The following PROM1 variants were observed in gnomAD, a reference collection of about 807,000 sequenced individuals.
PROM1 encodes the protein prominin 1.
In PROM1, 105 loss-of-function variants were observed where a neutral mutation model predicts 116.9. The observed-to-expected ratio is 0.90, with a 90% confidence interval of 0.77 to 1.06. The LOEUF is 1.06. Ranked by LOEUF, PROM1 falls within the 50% of genes least tolerant of loss-of-function variation. The pLI, the probability that PROM1 is intolerant of heterozygous loss-of-function variation, is 0.00. For missense variants in PROM1, 1,122 were observed against 1,045.2 expected, an observed-to-expected ratio of 1.07 and a Z score of -1.01; for synonymous variants, 393 against 387.0, an observed-to-expected ratio of 1.02 and a Z score of -0.18.
At position 15,998,387 on chromosome 4, in the gene PROM1, G is replaced by A. The variant is rs771586089; in HGVS notation, c.1680C>T (p.Tyr560=). 6 of 1,594,324 alleles carry A rather than the reference G, an allele frequency of 3.8e-6. No individual in the cohort carries two copies. The highest frequency in any genetic ancestry group is 1.8e-5 in the Admixed American group (1 of 55,466). ...ATGTATAATGCAAATATTGATACCT[G>A]TAAACTTGTTCAAAAGTGAGCTTCA... ...SKMKLTFEQV[Y]SDCKKNRGTY... Residue 560 remains tyrosine (Y), a splice_region_variant and synonymous_variant, in exon 15 of 28, where the codon TAC becomes TAT. Transcript: ENST00000447510.
chr4:15,990,674 T>G (rs1328625788), intron 18 of PROM1, among the ~76,000 whole-genome samples: 1 of 152,136 alleles, frequency 6.6e-6, no homozygotes, highest in African/African-American at 2.4e-5. Flanking sequence ...CAGGTGGGAC[T>G]CCGGACCAGA....
At chr4:16,050,438 T>C in intron 2 of PROM1, among the ~76,000 whole-genome samples, 1 of 152,266 alleles carries the variant, frequency 6.6e-6, no homozygotes, top group Admixed American at 6.5e-5. Flanking sequence ...ACTGCATACA[T>C]GATCTCCTGG....
intron 4 of PROM1, 126 bp from the exon 5 acceptor site, chr4:16,033,635 G>A (rs1397222345): frequency 5.0e-6 from 4 of 805,206 alleles, no homozygotes; most frequent in Non-Finnish European, 6.9e-6. Context: ...TGTTGCCCAG[G>A]CTGGAGCGCA....
chr4:16,080,636 ATT>A (rs1387810184), intron 1 of PROM1: 1 of 152,098 alleles, frequency 6.6e-6, no homozygotes, highest in Non-Finnish European at 1.5e-5. Flanking sequence ...TTTGTAGTGG[ATT>A]TTTGTCATCT....
At position 15,976,556 on chromosome 4, in the gene PROM1, C is replaced by T. The variant is rs12646337; in HGVS notation, c.2582+2839G>A. Among the ~76,000 whole-genome samples the T allele has an allele frequency of 3.4e-4, 52 of 152,314 alleles. No individual in the cohort carries two copies. In the East Asian group the frequency reaches 7.9e-3, roughly 23 times the overall value. ...GTGGCATAAGACAGAAGACAGCTGA[C>T]GCCTGCCTATTTCCAGCACTCAGAT... is the stretch of plus-strand genomic sequence containing the variant. On this transcript the variant is annotated intron_variant, in intron 26 of 27. Transcript: ENST00000447510.
At chr4:15,985,252 A>G (rs990528932) in intron 22 of PROM1, among the ~76,000 whole-genome samples, 5 of 152,212 alleles carry the variant, frequency 3.3e-5, no homozygotes, top group Admixed American at 6.5e-5. Context: ...GCAAATAACT[A>G]TATCTTTTAT....
At chr4:16,008,024 G>A (rs1202424359) in intron 12 of PROM1, among the ~76,000 whole-genome samples, 1 of 152,186 alleles carries the variant, frequency 6.6e-6, no homozygotes, top group African/African-American at 2.4e-5. Context: ...TGGAACACAG[G>A]CCAGGGGATT....
chr4:15,993,682 G>A (rs1196922938), intron 16 of PROM1, among the ~76,000 whole-genome samples: 5 of 152,124 alleles, frequency 3.3e-5, no homozygotes, highest in South Asian at 4.1e-4. Flanking sequence ...CCACAAAAAC[G>A]TCTATACTCA....
intron 27 of PROM1, among the ~76,000 whole-genome samples, chr4:15,970,052 C>T (rs1322687071): frequency 1.3e-5 from 2 of 151,920 alleles, no homozygotes; most frequent in African/African-American, 4.8e-5. Flanking sequence ...TCTTTGAACT[C>T]CTGGGCTCAA....
intron 19 of PROM1, among the ~76,000 whole-genome samples, chr4:15,988,781 T>G (rs1194523490): frequency 7.2e-6 from 1 of 139,508 alleles, no homozygotes; most frequent in African/African-American, 2.5e-5. Flanking sequence ...AAATTGTAAA[T>G]AGCACTGGAC....
Position 16,000,557 on chromosome 4 carries a change from A to G in PROM1, c.1517T>C (p.Val506Ala). 1 of 1,591,976 alleles carries G rather than the reference A, an allele frequency of 6.3e-7. No homozygotes were observed. The highest frequency in any genetic ancestry group is 8.6e-7 in the Non-Finnish European group (1 of 1,160,266). Residue 506 changes from valine (V) to alanine (A), a missense_variant, in exon 14 of 28, where the codon GTC (valine) becomes GCC (alanine). Coordinates refer to ENST00000447510, the MANE Select transcript of PROM1 (RefSeq NM_006017.3). The part of the protein sequence containing the change: ...ILMIIVVLTF[V>A]FGANVEKLIC... ...CAGTTTTTCCACATTTGCACCAAAG[A>G]CAAAGGTAAGAACCACAATGATCAT...
intron 2 of PROM1, among the ~76,000 whole-genome samples, chr4:16,056,509 C>T (rs1399405554): frequency 6.6e-6 from 1 of 151,926 alleles, no homozygotes; most frequent in Non-Finnish European, 1.5e-5. Flanking sequence ...TAGAGTCTAT[C>T]AAGTGAGATA....
intron 3 of PROM1, among the ~76,000 whole-genome samples, chr4:16,038,693 A>G (rs1168360427): frequency 2.0e-5 from 3 of 151,892 alleles, no homozygotes; most frequent in Admixed American, 2.0e-4. Flanking sequence ...GAGCCACCAC[A>G]CCCGGCCTTA....
chr4:15,996,688 T>A (rs1221889168), intron 15 of PROM1, among the ~76,000 whole-genome samples: 2 of 152,156 alleles, frequency 1.3e-5, no homozygotes. Context: ...TACCTAAAAG[T>A]ATAACAAATT....
At chr4:15,992,415 T>A (rs752667990) in intron 16 of PROM1, 24 bp from the exon 17 acceptor site, 2 of 1,609,384 alleles carry the variant, frequency 1.2e-6, no homozygotes, top group African/African-American at 2.7e-5. Flanking sequence ...AAGTTACAAA[T>A]CAGTCCCTTA....
Position 15,984,322 on chromosome 4 carries a change from C to A in PROM1, c.2314G>T (p.Ala772Ser). 2 of 1,607,096 alleles carry A rather than the reference C, an allele frequency of 1.2e-6. No homozygotes were observed. The highest frequency in any genetic ancestry group is 1.7e-6 in the Non-Finnish European group (2 of 1,176,248). The change falls in exon 23 of 28, where the codon GCC becomes TCC. Residue 772 changes from alanine (A) to serine (S), a missense_variant. By Grantham distance (99) the Ala-to-Ser change is moderately conservative. Coordinates refer to ENST00000447510, the MANE Select transcript of PROM1 (RefSeq NM_006017.3). ...TCAACAGCAGTATCTAGAGCGGTGG[C>A]CACAGGTTTGCACGATGCCACTTTC... is the stretch of plus-strand genomic sequence containing the variant. ...SEKVASCKPV[A>S]TALDTAVDVF...
At chr4:15,976,201 A>G in intron 26 of PROM1, 1 of 455,760 alleles carries the variant, frequency 2.2e-6, no homozygotes, top group Non-Finnish European at 4.4e-6. Context: ...CAACACTAAA[A>G]GCCCAAGATG....
chr4:15,979,792 G>T, intron 25 of PROM1, 89 bp downstream of exon 25: 2 of 1,173,602 alleles, frequency 1.7e-6, no homozygotes, highest in Non-Finnish European at 2.4e-6. Context: ...ATTTTAAGAT[G>T]TTAATAACTT....
At chr4:16,025,088 T>G in intron 6 of PROM1, 104 bp downstream of exon 6, 1 of 1,361,842 alleles carries the variant, frequency 7.3e-7, no homozygotes, top group Non-Finnish European at 1.0e-6. Context: ...CTACGCTGAT[T>G]CACTGTGTTT....
Sources: gnomAD v4.1 joint callset for allele counts (sites outside exome capture counted in the v4.1 genomes callset) on GRCh38, gnomAD v4.1.1 for gene constraint, MANE v1.5 for transcripts, NCBI Gene and HGNC (gene_info 2026-07-23, HGNC 2026-07-21) for gene names.